Variants in ULK1 observed in about 807,000 individuals in gnomAD.
ULK1 encodes unc-51 like autophagy activating kinase 1.
ULK1 carries 48 observed loss-of-function variants against 117.5 expected under a neutral mutation model. The observed-to-expected ratio is 0.41, with a 90% confidence interval of 0.32 to 0.52. The LOEUF (loss-of-function observed/expected upper bound fraction) is 0.52. Among genes scored for constraint, ULK1 ranks in the 20% least tolerant of loss-of-function variants. ULK1 has a pLI of 0.29. For synonymous variants in ULK1, 790 were observed against 637.8 expected (o/e 1.24, Z -3.60); for missense variants, 1,387 against 1,473.4 (o/e 0.94, Z 0.96).
At position 131,922,198 on chromosome 12, in the gene ULK1, AG is replaced by A. The variant is rs1404227469; in HGVS notation, c.*839del. ...TTTTTCTTTAAAGGAGAAAACTTGT[AG>A]GTGTTTAAGAATTGGTTTTGGGAGG... On this transcript the variant is annotated 3_prime_UTR_variant, in exon 28 of 28. Coordinates refer to ENST00000321867, the MANE Select transcript of ULK1 (RefSeq NM_003565.4). The A allele has an allele frequency of 2.8e-6, 1 of 362,622 alleles. No homozygotes were observed. Among genetic ancestry groups the A allele is most frequent in the Non-Finnish European group, 5.5e-6 (1 of 181,444 alleles). 22.5% of individuals were successfully genotyped at this position (362,622 alleles called of 1,614,324 possible).
Position 131,903,384 on chromosome 12 carries a change from T to C in ULK1, c.247-3508T>C, listed in dbSNP as rs966416073. 9.2e-5 allele frequency among the ~76,000 whole-genome samples: 14 copies of C among 152,288 alleles called. No individual in the cohort carries two copies. In the Middle Eastern group the frequency reaches 0.017, roughly 185 times the overall value. ...CCCACCTGCTTGGGCTGTGCTGCCA[T>C]TTCCCAGCCTGGGCACGCCTCCCAA... is the stretch of plus-strand genomic sequence containing the variant. On this transcript the variant is annotated intron_variant, in intron 3 of 27. Coordinates refer to ENST00000321867, the MANE Select transcript of ULK1 (RefSeq NM_003565.4). The surrounding 1 kb of genome is among the most constrained non-coding windows in gnomAD (Gnocchi z 6.0).
At position 131,916,146 on chromosome 12, in the gene ULK1, G is replaced by A; in HGVS notation, c.1865G>A (p.Gly622Asp). ...LQRNPLPPIL[G>D]SPTKAVPSFD... is the part of the protein sequence containing the mutation. ...CGAAACCCCCTGCCCCCCATCCTGG[G>A]CTCCCCCACCAAGGTAATGGGCACT... Residue 622 changes from glycine to aspartate, a missense_variant, in exon 19 of 28, where the codon GGC becomes GAC. Transcript: ENST00000321867. 1 of 1,611,610 alleles carries A rather than the reference G, an allele frequency of 6.2e-7. No individual in the cohort carries two copies.
chr12:131,896,067 G>C (rs1190708311), intron 3 of ULK1, among the ~76,000 whole-genome samples: 1 of 152,210 alleles, frequency 6.6e-6, no homozygotes, highest in Non-Finnish European at 1.5e-5. Context: ...GAGTTCTCCT[G>C]AACAGGCATC....
rs1000838924 is a variant in ULK1, at chr12:131,909,763, C to T, written c.667-12C>T. 6.3e-7 allele frequency: 1 copy of T among 1,596,510 alleles called. No individual in the cohort carries two copies. On this transcript the variant is annotated splice_polypyrimidine_tract_variant and intron_variant, in intron 8 of 27. Coordinates refer to ENST00000321867, the MANE Select transcript of ULK1 (RefSeq NM_003565.4). ...CGCAGCCCTGGCAGTCAGGCTGTCC[C>T]CGTCCCCGCAGGCCAGCAGCCCCCA...
In ULK1 at chr12:131,914,425, T is replaced by A. The variant is rs1889681972; in HGVS notation, c.1321T>A (p.Tyr441Asn). 1 of 1,612,652 alleles carries A rather than the reference T, an allele frequency of 6.2e-7. No individual in the cohort carries two copies. Among genetic ancestry groups the A allele is most frequent in the African/African-American group, 1.3e-5 (1 of 74,940 alleles). Residue 441 changes from tyrosine (Y) to asparagine (N), a missense_variant, in exon 16 of 28, where the codon TAC becomes AAC. Tyr to Asn is a moderately radical substitution (Grantham distance 143, BLOSUM62 -2). Coordinates refer to ENST00000321867, the MANE Select transcript of ULK1 (RefSeq NM_003565.4). ...CCCAGTCCCCACGCAGGTGCAGAAC[T>A]ACCAGCGCATTGAGCGAAACCTGCA... is the stretch of plus-strand genomic sequence containing the variant. The part of the protein sequence containing the change: ...PIPVPTQVQN[Y>N]QRIERNLQSP...
At chr12:131,913,702 C>CAAAA (rs199854918) in intron 14 of ULK1, 45 bp from the exon 15 acceptor site, 8 of 962,894 alleles carry the variant, frequency 8.3e-6, no homozygotes, top group African/African-American at 1.8e-5. Context: ...GAGACTGCCC[C>CAAAA]AAAAAAAACA....
Position 131,911,355 on chromosome 12 carries a change from T to C in ULK1, c.948+555T>C, listed in dbSNP as rs1889526656. On this transcript the variant is annotated intron_variant, in intron 12 of 27. Coordinates refer to ENST00000321867, the MANE Select transcript of ULK1 (RefSeq NM_003565.4). ...CTGCTCTGTGACCAGGGACCGGTCC[T>C]CTGACCTTGGTTGTCTGCCTGTATC... Among the ~76,000 whole-genome samples, 2 of 152,234 alleles carry C rather than the reference T, an allele frequency of 1.3e-5. 1 individual carries two copies. The highest frequency in any genetic ancestry group is 4.1e-4 in the South Asian group (2 of 4,830).
rs1421274907 is a variant in ULK1 at position 131,913,799 on chromosome 12, C to A, written c.1210C>A (p.Pro404Thr). Residue 404 changes from proline to threonine, a missense_variant, in exon 15 of 28, where the codon CCA becomes ACA. Around this residue, in one of 4 missense-constraint regions of ULK1, gnomAD observed 260 missense variants for 271.6 expected, o/e 0.96. Transcript: ENST00000321867. The stretch of plus-strand genomic sequence containing the variant: ...GGAGAGCCACGGCCGGACCCCATCT[C>A]CATCCCCACCCTGCAGCAGCTCCCC... ...GLESHGRTPS[P>T]SPPCSSSPSP... is the part of the protein sequence containing the mutation. 5 of 1,574,852 alleles carry A rather than the reference C, an allele frequency of 3.2e-6. No individual in the cohort carries two copies. In the South Asian group the frequency reaches 5.7e-5, roughly 18 times the overall value.
At position 131,917,482 on chromosome 12, in the gene ULK1, G is replaced by A. The variant is rs372324468; in HGVS notation, c.2254G>A (p.Val752Met). 10 of 1,509,014 alleles carry A rather than the reference G, an allele frequency of 6.6e-6. No individual in the cohort carries two copies. The highest frequency in any genetic ancestry group is 1.4e-5 in the African/African-American group (1 of 69,868). 93.5% of individuals were successfully genotyped at this position (1,509,014 alleles called of 1,614,324 possible). ...RAGGTSSPSP[V>M]VFTVGSPPSG... ...TGGGGGCACCAGCAGCCCTTCCCCG[G>A]TGGTCTTCACCGTGGGCTCTCCCCC... Residue 752 changes from valine to methionine, a missense_variant, in exon 22 of 28, where the codon GTG becomes ATG. Transcript: ENST00000321867.
At chr12:131,919,075 A>T in intron 23 of ULK1, 137 bp from the exon 24 acceptor site, 1 of 952,302 alleles carries the variant, frequency 1.1e-6, no homozygotes, top group Non-Finnish European at 1.5e-6. Context: ...CGGGCGTGGC[A>T]CATCCCAGCT....
chr12:131,896,832 T>A (rs1182549791), intron 3 of ULK1: 1 of 150,510 alleles, frequency 6.6e-6, no homozygotes, highest in Non-Finnish European at 1.5e-5. Flanking sequence ...AGCCTGCACA[T>A]GCGTCATGGC....
At position 131,910,337 on chromosome 12, in the gene ULK1, G is replaced by A. The variant is rs747116446; in HGVS notation, c.859+33G>A. The A allele has an allele frequency of 6.2e-6, 10 of 1,612,382 alleles. No homozygotes were observed. The South Asian group carries it at 8.8e-5, about 14-fold the overall frequency. On this transcript the variant is annotated intron_variant, in intron 11 of 27. Transcript: ENST00000321867. Reference sequence around the variant, plus strand: ...TCTGTGGGTCCTGGGGCTCCGCATGGGCCCTGCATGCACCCCTTCCTCCCC... The same window carrying A: ...TCTGTGGGTCCTGGGGCTCCGCATGAGCCCTGCATGCACCCCTTCCTCCCC...
chr12:131,917,625 C>G (rs1889921590), intron 22 of ULK1, 71 bp downstream of exon 22: 1 of 1,293,360 alleles, frequency 7.7e-7, no homozygotes, highest in Admixed American at 3.6e-5. Context: ...CGGGGGCATC[C>G]TTTAACTCGG....
intron 26 of ULK1, 121 bp from the exon 27 acceptor site, chr12:131,920,979 C>A: frequency 7.3e-7 from 1 of 1,369,588 alleles, no homozygotes; most frequent in South Asian, 1.5e-5. Flanking sequence ...ACTTATGTCT[C>A]CACGTCACTG....
chr12:131,919,921 A>G, intron 25 of ULK1, 58 bp from the exon 26 acceptor site: 1 of 1,581,690 alleles, frequency 6.3e-7, no homozygotes, highest in South Asian at 1.1e-5. Context: ...GATCATGGCC[A>G]CTCCAGCCCT....
chr12:131,913,062 C>T (rs890561804), intron 13 of ULK1, 136 bp from the exon 14 acceptor site: 3 of 761,416 alleles, frequency 3.9e-6, no homozygotes, highest in African/African-American at 1.8e-5. Flanking sequence ...GGCTCTGCCC[C>T]CCGCAAGGCC....
chr12:131,896,749 T>G (rs2136375259), intron 3 of ULK1: 1 of 152,326 alleles, frequency 6.6e-6, no homozygotes, highest in Non-Finnish European at 1.5e-5. Context: ...ACCCCTTTTC[T>G]CCCTGCTTTC....
chr12:131,919,924 C>G, intron 25 of ULK1, 55 bp from the exon 26 acceptor site: 4 of 1,587,456 alleles, frequency 2.5e-6, no homozygotes, highest in African/African-American at 1.3e-5. Flanking sequence ...CATGGCCACT[C>G]CAGCCCTGCC....
Position 131,916,042 on chromosome 12 carries a change from C to T in ULK1, c.1761C>T (p.Ala587=). ...PLGAVFSPPQ[A]SPPQPSHGLQ... is the part of the protein sequence containing the mutation. ...GAGCTGTGTTCAGCCCACCACAGGC[C>T]AGCCCTCCCCAGCCGTCCCACGGCC... Residue 587 remains alanine (A), a synonymous_variant, in exon 19 of 28, where the codon GCC becomes GCT. Transcript: ENST00000321867. The T allele has an allele frequency of 6.2e-7, 1 of 1,612,398 alleles. No individual in the cohort carries two copies. The highest frequency in any genetic ancestry group is 8.5e-7 in the Non-Finnish European group (1 of 1,179,778).
Sources: allele counts gnomAD v4.1 joint callset (sites outside exome capture counted in the v4.1 genomes callset), GRCh38; gene constraint gnomAD v4.1.1; regional missense constraint gnomAD v4.1.1; non-coding constraint Gnocchi (gnomAD v3.1); transcripts MANE v1.5; gene names NCBI Gene and HGNC (gene_info 2026-07-23, HGNC 2026-07-21).